The following SRBD1 variants were observed in gnomAD, a reference collection of about 807,000 sequenced individuals.
SRBD1 encodes the protein S1 RNA-binding domain-containing protein 1.
SRBD1 carries 88 observed loss-of-function variants against 115.3 expected under a neutral mutation model. That is an observed-to-expected ratio of 0.76 (90% CI 0.64 to 0.91). The LOEUF (loss-of-function observed/expected upper bound fraction) is 0.91. Among genes scored for constraint, SRBD1 ranks in the 40% least tolerant of loss-of-function variants. The pLI, the probability that SRBD1 is intolerant of heterozygous loss-of-function variation, is 0.00. For missense variants in SRBD1, 1,385 were observed against 1,177.4 expected (o/e 1.18, Z -2.58); for synonymous variants, 509 against 407.7 (o/e 1.25, Z -2.99).
intron 14 of SRBD1, among the ~76,000 whole-genome samples, chr2:45,545,874 C>G (rs1336921153): frequency 6.6e-6 from 1 of 152,206 alleles, no homozygotes; most frequent in Non-Finnish European, 1.5e-5. Flanking sequence ...TTTGGCCTAC[C>G]TACACAAATC....
At chr2:45,459,709 C>T (rs1319051727) in intron 16 of SRBD1, among the ~76,000 whole-genome samples, 1 of 152,106 alleles carries the variant, frequency 6.6e-6, no homozygotes, top group Non-Finnish European at 1.5e-5. Context: ...AACACTCCTT[C>T]AGAAAACATA....
intron 14 of SRBD1, among the ~76,000 whole-genome samples, chr2:45,531,231 A>C (rs6754449): frequency 0.38 from 57,481 of 151,536 alleles, 12,523 homozygotes; most frequent in African/African-American, 0.58. Flanking sequence ...CAACTAACTG[A>C]CAAGTCCAGG....
chr2:45,607,820 G>A (rs1200487904), intron 1 of SRBD1, among the ~76,000 whole-genome samples: 3 of 152,188 alleles, frequency 2.0e-5, no homozygotes, highest in African/African-American at 7.2e-5. Flanking sequence ...AGTCTAGACT[G>A]TGGGCATGGG....
intron 1 of SRBD1, among the ~76,000 whole-genome samples, chr2:45,608,591 A>G (rs912298618): frequency 1.3e-5 from 2 of 152,120 alleles, no homozygotes; most frequent in African/African-American, 4.8e-5. Flanking sequence ...GATGTCACCT[A>G]CTTATTAACA....
intron 14 of SRBD1, among the ~76,000 whole-genome samples, chr2:45,507,484 G>A (rs1189451674): frequency 6.6e-6 from 1 of 152,062 alleles, no homozygotes; most frequent in African/African-American, 2.4e-5. Context: ...TTGGGAGGCT[G>A]AGGCGGGTGT....
At chr2:45,402,764 T>A (rs555495931) in intron 19 of SRBD1, among the ~76,000 whole-genome samples, 1 of 152,132 alleles carries the variant, frequency 6.6e-6, no homozygotes, top group South Asian at 2.1e-4. Context: ...ATACAGCAGA[T>A]TCTCTGGGAG....
intron 10 of SRBD1, among the ~76,000 whole-genome samples, chr2:45,554,293 A>G (rs755422295): frequency 6.6e-6 from 1 of 152,236 alleles, no homozygotes; most frequent in South Asian, 2.1e-4. Context: ...AAAATGAATC[A>G]GCTGGCATTT....
At position 45,599,615 on chromosome 2, in the gene SRBD1, C is replaced by A. The variant is rs144913127; in HGVS notation, c.482G>T (p.Trp161Leu). 677 of 1,614,204 alleles carry A rather than the reference C, an allele frequency of 4.2e-4. 1 individual carries two copies. Among genetic ancestry groups the A allele is most frequent in the East Asian group, 1.9e-3 (86 of 44,886 alleles). Residue 161 changes from tryptophan to leucine, a missense_variant, in exon 4 of 21, where the codon TGG becomes TTG. Transcript: ENST00000263736. Reference protein sequence around the residue: ...SSETPSTSTVWGGTCKKEEND... With the variant: ...SSETPSTSTVLGGTCKKEEND... ...CTCTTCCTTCTTGCATGTACCTCCC[C>A]ACACAGTGCTTGTGGATGGTGTCTC... is the stretch of plus-strand genomic sequence containing the variant.
intron 16 of SRBD1, among the ~76,000 whole-genome samples, chr2:45,434,967 G>T (rs1473365986): frequency 2.0e-5 from 3 of 151,162 alleles, no homozygotes; most frequent in African/African-American, 7.3e-5. Context: ...TCCCCGCCCT[G>T]TGTCCACGTG....
intron 16 of SRBD1, among the ~76,000 whole-genome samples, chr2:45,426,712 G>T (rs909012837): frequency 1.3e-5 from 2 of 152,290 alleles, no homozygotes; most frequent in East Asian, 3.9e-4. Context: ...GGCAAACAGG[G>T]TCTGGAGTGG....
At chr2:45,604,747 C>G (rs1241245053) in intron 2 of SRBD1, among the ~76,000 whole-genome samples, 6 of 152,118 alleles carry the variant, frequency 3.9e-5, no homozygotes, top group Non-Finnish European at 1.5e-5. Flanking sequence ...TCCAAAATGC[C>G]CCCCGACTGC....
At chr2:45,450,269 C>A (rs142097348) in intron 16 of SRBD1, among the ~76,000 whole-genome samples, 1 of 152,140 alleles carries the variant, frequency 6.6e-6, no homozygotes, top group Non-Finnish European at 1.5e-5. Flanking sequence ...GAGAAGATAG[C>A]GAATTCAAAG....
chr2:45,556,900 T>C (rs888348698), intron 10 of SRBD1, among the ~76,000 whole-genome samples: 20 of 152,220 alleles, frequency 1.3e-4, no homozygotes, highest in African/African-American at 4.3e-4. Context: ...TGGTGCCTAA[T>C]ACATTCTATG....
rs1462212736 is a variant in SRBD1, at chr2:45,431,919, G to A, written c.2050-12025C>T. Among the ~76,000 whole-genome samples the A allele has an allele frequency of 4.6e-5, 7 of 152,204 alleles. No homozygotes were observed. In the South Asian group the frequency reaches 8.3e-4, roughly 18 times the overall value. ...TTATGTAATAGAAACTTCTGTAAAC[G>A]CTGCCGTCAGGTCAGCTGTAAATAT... On this transcript the variant is annotated intron_variant, in intron 16 of 20. Coordinates refer to ENST00000263736, the MANE Select transcript of SRBD1 (RefSeq NM_018079.5).
chr2:45,475,267 C>A (rs1182041115), intron 16 of SRBD1, among the ~76,000 whole-genome samples: 2 of 152,190 alleles, frequency 1.3e-5, no homozygotes, highest in African/African-American at 4.8e-5. Context: ...TTCTTTCCAT[C>A]TTTACTGCCA....
chr2:45,465,066 T>C (rs1669443095), intron 16 of SRBD1, among the ~76,000 whole-genome samples: 1 of 148,906 alleles, frequency 6.7e-6, no homozygotes, highest in Non-Finnish European at 1.5e-5. Context: ...TCCCCTGGTA[T>C]GGGGGATTTT....
intron 14 of SRBD1, among the ~76,000 whole-genome samples, chr2:45,505,478 A>C (rs561504567): frequency 3.7e-4 from 56 of 152,346 alleles, no homozygotes; most frequent in African/African-American, 1.3e-3. Context: ...AAGGGAAAAT[A>C]GCTGAGCACA....
Position 45,574,608 on chromosome 2 carries a change from C to G in SRBD1, c.1169+19G>C, listed in dbSNP as rs201462132. On this transcript the variant is annotated intron_variant, in intron 8 of 20. Coordinates refer to ENST00000263736, the MANE Select transcript of SRBD1 (RefSeq NM_018079.5). The stretch of plus-strand genomic sequence containing the variant: ...GCATGAGTCCATAAAGCAGAAAACT[C>G]CATAAAAGAGATACTCACAAGTTCC... 5 of 1,609,350 alleles carry G rather than the reference C, an allele frequency of 3.1e-6. No homozygotes were observed. Among genetic ancestry groups the G allele is most frequent in the Admixed American group, 1.7e-5 (1 of 59,378 alleles).
intron 5 of SRBD1, among the ~76,000 whole-genome samples, chr2:45,585,157 A>C (rs1673479682): frequency 6.6e-6 from 1 of 152,114 alleles, no homozygotes; most frequent in South Asian, 2.1e-4. Flanking sequence ...CTCCGAAAAA[A>C]AAAAAAGATG....
Sources: gnomAD v4.1 joint callset for allele counts (sites outside exome capture counted in the v4.1 genomes callset) on GRCh38, gnomAD v4.1.1 for gene constraint, MANE v1.5 for transcripts, NCBI Gene and HGNC (gene_info 2026-07-23, HGNC 2026-07-21) for gene names.